RYR2: variants seen among roughly 807,000 people sequenced by gnomAD.
RYR2 encodes ryanodine receptor 2.
Under a neutral mutation model 601.1 loss-of-function variants are expected in RYR2, and 227 were observed. The observed-to-expected ratio is 0.38, with a 90% CI of 0.34 to 0.42. The LOEUF (loss-of-function observed/expected upper bound fraction) is 0.42. Among genes scored for constraint, RYR2 ranks in the 10% least tolerant of loss-of-function variants. The probability of loss-of-function intolerance (pLI) is 1.00; values close to 1 mark genes in which losing one functional copy is unlikely to be tolerated. For synonymous variants in RYR2, 2,223 were observed against 2,175.1 expected, an observed-to-expected ratio of 1.02 and a Z score of -0.61; for missense variants, 4,646 against 6,156.5, an observed-to-expected ratio of 0.75 and a Z score of 8.21.
At chr1:237,140,756 G>C (rs925395948) in intron 1 of RYR2, among the ~76,000 whole-genome samples, 1 of 152,120 alleles carries the variant, frequency 6.6e-6, no homozygotes, top group Non-Finnish European at 1.5e-5. Flanking sequence ...AACCATTACA[G>C]GTGTCTTTGA....
At chr1:237,571,311 TTTTC>T (rs1009376621) in intron 29 of RYR2, among the ~76,000 whole-genome samples, 2 of 89,436 alleles carry the variant, frequency 2.2e-5, no homozygotes, top group Non-Finnish European at 2.4e-5. Flanking sequence ...TTTTCTTTTC[TTTTC>T]TTTTTTTTTT....
intron 1 of RYR2, among the ~76,000 whole-genome samples, chr1:237,154,969 T>C (rs1675143186): frequency 1.3e-5 from 2 of 152,032 alleles, no homozygotes; most frequent in Admixed American, 1.3e-4. Context: ...GTTCATACTT[T>C]CTACTCTTGT....
At chr1:237,396,541 T>G (rs144189420) in intron 10 of RYR2, among the ~76,000 whole-genome samples, 1 of 152,344 alleles carries the variant, frequency 6.6e-6, no homozygotes, top group African/African-American at 2.4e-5. Flanking sequence ...TTCTTCCCAT[T>G]TAAGCAGCCA....
intron 84 of RYR2, among the ~76,000 whole-genome samples, chr1:237,767,001 G>C (rs1460852530): frequency 6.6e-6 from 1 of 151,734 alleles, no homozygotes; most frequent in Non-Finnish European, 1.5e-5. Context: ...TTGACCTAAG[G>C]CTTCACATTT....
At chr1:237,804,026 A>G (rs1423961683) in intron 98 of RYR2, among the ~76,000 whole-genome samples, 1 of 152,184 alleles carries the variant, frequency 6.6e-6, no homozygotes, top group African/African-American at 2.4e-5. Context: ...CCTATTCATC[A>G]GAGATCTTGC....
At chr1:237,335,540 C>G (rs1697165061) in intron 3 of RYR2, among the ~76,000 whole-genome samples, 1 of 152,076 alleles carries the variant, frequency 6.6e-6, no homozygotes, top group African/African-American at 2.4e-5. Context: ...CTTGTATATT[C>G]TGTTGAGGAC....
chr1:237,822,346 C>G (rs565054123), intron 101 of RYR2, among the ~76,000 whole-genome samples: 110 of 152,320 alleles, frequency 7.2e-4, no homozygotes, highest in African/African-American at 2.5e-3. Context: ...AGAAACTCTA[C>G]AAGCCAGAAG....
intron 2 of RYR2, among the ~76,000 whole-genome samples, chr1:237,285,271 A>C (rs546184606): frequency 6.6e-6 from 1 of 152,280 alleles, no homozygotes; most frequent in African/African-American, 2.4e-5. Flanking sequence ...CTTTTTCTGC[A>C]TCTATTGAGA....
At position 237,627,831 on chromosome 1, in the gene RYR2, A is replaced by G; in HGVS notation, c.6191A>G (p.Glu2064Gly). 1.2e-6 allele frequency: 2 copies of G among 1,605,772 alleles called. No homozygotes were observed. Among genetic ancestry groups the G allele is most frequent in the Non-Finnish European group, 1.7e-6 (2 of 1,173,582 alleles). ...GCCACTCTGCAGCAGCTGATTTCTG[A>G]GACCATGGTCCGATGGGCTCAGGAG... The part of the protein sequence containing the change: ...KSSTLQQLIS[E>G]TMVRWAQESV... The change falls in exon 41 of 105, where the codon GAG becomes GGG. Residue 2064 changes from glutamate (E) to glycine (G), a missense_variant. Glu to Gly is a moderately conservative substitution (Grantham distance 98). Transcript: ENST00000366574.
At chr1:237,369,661 G>T in intron 6 of RYR2, 53 bp downstream of exon 6, 1 of 1,429,410 alleles carries the variant, frequency 7.0e-7, no homozygotes, top group Non-Finnish European at 9.6e-7. Flanking sequence ...CCATTTGGGG[G>T]TACATGGTCT....
At chr1:237,720,167 C>T (rs1189907636) in intron 73 of RYR2, among the ~76,000 whole-genome samples, 1 of 152,132 alleles carries the variant, frequency 6.6e-6, no homozygotes, top group Non-Finnish European at 1.5e-5. Flanking sequence ...TTTTAAAAGT[C>T]AAGCTAGTAT....
rs757656504 is a variant in RYR2, at chr1:237,717,318, G to T, written c.10444G>T (p.Ala3482Ser). The part of the protein sequence containing the change: ...RLLPIGLNIC[A>S]PGDQELIALA... ...ACTGCCCATTGGGTTGAACATCTGT[G>T]CCCCTGGGGACCAGGAGCTCATTGC... is the stretch of plus-strand genomic sequence containing the variant. The change falls in exon 72 of 105, where the codon GCC (alanine) becomes TCC (serine). Residue 3482 changes from alanine (A) to serine (S), a missense_variant. Physicochemically the swap from Ala to Ser is moderately conservative, Grantham distance 99 (BLOSUM62 1). Transcript: ENST00000366574. 6.2e-7 allele frequency: 1 copy of T among 1,612,260 alleles called. No homozygotes were observed. The highest frequency in any genetic ancestry group is 1.1e-5 in the South Asian group (1 of 90,864).
At position 237,801,793 on chromosome 1, in the gene RYR2, C is replaced by T. The variant is rs545209217; in HGVS notation, c.14091-63C>T. ...TTGAATGTGAAGGCCGTCAGGCTCT[C>T]GCAAGCCTATGAGTCTTTGGTTAAT... On this transcript the variant is annotated intron_variant, in intron 97 of 104. Coordinates refer to ENST00000366574, the MANE Select transcript of RYR2 (RefSeq NM_001035.3). 30 of 1,063,506 alleles carry T rather than the reference C, an allele frequency of 2.8e-5. 1 individual carries two copies. In the Admixed American group the frequency reaches 4.2e-4, roughly 15 times the overall value. 65.9% of individuals were successfully genotyped at this position (1,063,506 alleles called of 1,614,324 possible).
At chr1:237,700,573 A>C (rs1219472882) in intron 65 of RYR2, 106 bp downstream of exon 65, 1 of 632,278 alleles carries the variant, frequency 1.6e-6, no homozygotes, top group African/African-American at 1.8e-5. Flanking sequence ...CACTGTTTAC[A>C]TGTTAAAATG....
chr1:237,638,242 C>G, intron 44 of RYR2, 115 bp from the exon 45 acceptor site: 1 of 1,420,532 alleles, frequency 7.0e-7, no homozygotes, highest in Non-Finnish European at 9.6e-7. Context: ...AAAGAATTTG[C>G]AAAAATGCAT....
chr1:237,306,016 G>A (rs1693828032), intron 2 of RYR2, among the ~76,000 whole-genome samples: 1 of 152,186 alleles, frequency 6.6e-6, no homozygotes, highest in African/African-American at 2.4e-5. Context: ...ATAGCCTACA[G>A]AAATGTTGGC....
At chr1:237,804,886 T>C (rs1660439326) in intron 98 of RYR2, among the ~76,000 whole-genome samples, 2 of 152,336 alleles carry the variant, frequency 1.3e-5, no homozygotes, top group East Asian at 1.9e-4. Context: ...CTGGTTCTTT[T>C]GTTGGCTGTA....
intron 1 of RYR2, among the ~76,000 whole-genome samples, chr1:237,067,613 T>C (rs1326261367): frequency 2.0e-5 from 3 of 152,232 alleles, no homozygotes; most frequent in African/African-American, 7.2e-5. Context: ...CCTTTGTCTT[T>C]CTATATAAAT....
At chr1:237,717,398 G>C in intron 72 of RYR2, 30 bp downstream of exon 72, 1 of 1,541,128 alleles carries the variant, frequency 6.5e-7, no homozygotes, top group Non-Finnish European at 8.8e-7. Context: ...CAGCGGTAAT[G>C]ATCATCTGAC....
Sources: allele counts gnomAD v4.1 joint callset (sites outside exome capture counted in the v4.1 genomes callset), GRCh38; gene constraint gnomAD v4.1.1; transcripts MANE v1.5; gene names NCBI Gene and HGNC (gene_info 2026-07-23, HGNC 2026-07-21).